Variants in KSR1 observed in about 807,000 individuals in gnomAD.
KSR1 encodes kinase suppressor of ras.
In KSR1, 35 loss-of-function variants were observed where a neutral mutation model predicts 92.9. That is an observed-to-expected ratio of 0.38 (90% confidence interval 0.29 to 0.50). KSR1 has a LOEUF of 0.50. KSR1 is among the 20% of genes least tolerant of loss of function. KSR1 has a pLI of 0.94. For synonymous variants in KSR1, 467 were observed against 472.6 expected, an observed-to-expected ratio of 0.99 and a Z score of 0.15; for missense variants, 972 against 1,158.5, an observed-to-expected ratio of 0.84 and a Z score of 2.34.
chr17:27,493,189 A>G (rs1300581967), intron 1 of KSR1, among the ~76,000 whole-genome samples: 1 of 152,216 alleles, frequency 6.6e-6, no homozygotes, highest in Non-Finnish European at 1.5e-5. Flanking sequence ...GACTATTATT[A>G]TCCACACTTT....
At chr17:27,549,664 A>G (rs1385296525) in intron 1 of KSR1, among the ~76,000 whole-genome samples, 1 of 152,220 alleles carries the variant, frequency 6.6e-6, no homozygotes, top group Non-Finnish European at 1.5e-5. Context: ...CAGGGTGTGG[A>G]TCCCTGAAAG....
rs564801818 is a variant in KSR1, at chr17:27,625,124, C to G, written c.*1732C>G. ...CATCATCCCTTTGGCCTCCCACACA[C>G]CTGCCCCTTCCCAGGGATCACGTGT... On this transcript the variant is annotated 3_prime_UTR_variant, in exon 21 of 21. Transcript: ENST00000644974. 4.6e-5 allele frequency: 7 copies of G among 152,498 alleles called. No individual in the cohort carries two copies. Among genetic ancestry groups the G allele is most frequent in the Admixed American group, 4.6e-4 (7 of 15,310 alleles). 9.4% of individuals were successfully genotyped at this position (152,498 alleles called of 1,614,324 possible).
intron 1 of KSR1, among the ~76,000 whole-genome samples, chr17:27,524,607 A>G (rs2070180309): frequency 1.3e-5 from 2 of 152,324 alleles, no homozygotes; most frequent in Middle Eastern, 3.4e-3. Flanking sequence ...GGGCTTGTAG[A>G]GCATGAAACT....
intron 12 of KSR1, 82 bp downstream of exon 12, chr17:27,603,970 C>T: frequency 7.3e-7 from 1 of 1,367,652 alleles, no homozygotes; most frequent in East Asian, 2.3e-5. Context: ...ACCTCCCACT[C>T]CACCTTTCCA....
chr17:27,559,018 A>G lies in KSR1; in HGVS notation c.372+8310A>G, dbSNP rs887297823. On this transcript the variant is annotated intron_variant, in intron 2 of 20. Transcript: ENST00000644974. The surrounding 1 kb of genome is among the most constrained non-coding windows in gnomAD (Gnocchi z 4.2). The stretch of plus-strand genomic sequence containing the variant: ...TGTGTAATCTCCTCCTTCCTTTTCC[A>G]TATTGTTTTCCTAAGGGCCATCCCT... Among the ~76,000 whole-genome samples the G allele has an allele frequency of 6.6e-6, 1 of 151,868 alleles. No homozygotes were observed.
At chr17:27,619,025 T>C (rs528306958) in intron 19 of KSR1, among the ~76,000 whole-genome samples, 1 of 152,066 alleles carries the variant, frequency 6.6e-6, no homozygotes, top group Non-Finnish European at 1.5e-5. Context: ...AAGGACACTT[T>C]CTAAAAGTGA....
chr17:27,605,053 C>T (rs1471147288), intron 13 of KSR1, among the ~76,000 whole-genome samples: 1 of 152,206 alleles, frequency 6.6e-6, no homozygotes. Flanking sequence ...CTGATTTACT[C>T]CTGCCCAGGG....
At chr17:27,496,803 A>G (rs551318220) in intron 1 of KSR1, among the ~76,000 whole-genome samples, 3 of 152,332 alleles carry the variant, frequency 2.0e-5, no homozygotes, top group African/African-American at 7.2e-5. Context: ...CCGAGTGAAG[A>G]TGGAAACTGT....
At chr17:27,595,475 C>T (rs545083525) in intron 9 of KSR1, among the ~76,000 whole-genome samples, 1 of 152,352 alleles carries the variant, frequency 6.6e-6, no homozygotes, top group African/African-American at 2.4e-5. Flanking sequence ...GAAATGGAAG[C>T]TCAGAGAGGT....
intron 14 of KSR1, among the ~76,000 whole-genome samples, 193 bp from the exon 15 acceptor site, chr17:27,607,721 T>C (rs1243744841): frequency 6.6e-6 from 1 of 152,070 alleles, no homozygotes; most frequent in Non-Finnish European, 1.5e-5. Flanking sequence ...GTGTGTGGTG[T>C]CATGTGTTTC....
chr17:27,564,736 A>ACCCCCCCCCCC (rs34194473), intron 2 of KSR1, among the ~76,000 whole-genome samples: 1 of 101,384 alleles, frequency 9.9e-6, no homozygotes, highest in Non-Finnish European at 1.9e-5. Context: ...AAGATGGAAG[A>ACCCCCCCCCCC]CCCCCCCCCC....
chr17:27,551,879 G>A (rs751445724), intron 2 of KSR1, among the ~76,000 whole-genome samples: 1 of 152,172 alleles, frequency 6.6e-6, no homozygotes, highest in East Asian at 1.9e-4. Flanking sequence ...AGCAGCCAGG[G>A]TGCTCACCTA....
At chr17:27,525,991 A>AC (rs755997835) in intron 1 of KSR1, among the ~76,000 whole-genome samples, 1 of 71,180 alleles carries the variant, frequency 1.4e-5, no homozygotes, top group Non-Finnish European at 2.5e-5. Context: ...ACTGCAACTA[A>AC]CTTTTCTTTT....
chr17:27,617,904 C>T (rs868048583), intron 19 of KSR1, among the ~76,000 whole-genome samples: 2 of 152,262 alleles, frequency 1.3e-5, no homozygotes, highest in Non-Finnish European at 2.9e-5. Flanking sequence ...CCAAGTGATA[C>T]GAGGATTTCG....
rs577293438 is a variant in KSR1, at chr17:27,548,350, T to C, written c.232-2218T>C. On this transcript the variant is annotated intron_variant, in intron 1 of 20. Coordinates refer to ENST00000644974, the MANE Select transcript of KSR1 (RefSeq NM_001394583.1). ...CTATGGCCCCAAACTGGTTATAAGCTTTTATTCTAATTGAAAATTTGGAGC... is the reference window on the plus strand; with the variant it reads ...CTATGGCCCCAAACTGGTTATAAGCCTTTATTCTAATTGAAAATTTGGAGC... 2.1e-4 allele frequency among the ~76,000 whole-genome samples: 32 copies of C among 152,354 alleles called. No homozygotes were observed. The South Asian group carries it at 2.3e-3, about 11-fold the overall frequency.
chr17:27,609,054 C>T (rs1033226501), intron 15 of KSR1, 142 bp from the exon 16 acceptor site: 30 of 1,029,094 alleles, frequency 2.9e-5, no homozygotes, highest in Non-Finnish European at 3.9e-5. Flanking sequence ...CTCTGAACCT[C>T]GATTTCTTCT....
intron 1 of KSR1, among the ~76,000 whole-genome samples, chr17:27,503,317 A>G (rs531284589): frequency 4.0e-4 from 61 of 152,324 alleles, no homozygotes; most frequent in Non-Finnish European, 5.9e-5. Flanking sequence ...GGTAGAGGCC[A>G]GGGATGCTGT....
At chr17:27,514,266 G>T (rs1349591866) in intron 1 of KSR1, among the ~76,000 whole-genome samples, 1 of 152,220 alleles carries the variant, frequency 6.6e-6, no homozygotes, top group African/African-American at 2.4e-5. Context: ...CAGGCTACTT[G>T]GAGGAAAACA....
rs1213448242 is a variant in KSR1, at chr17:27,526,484, G to A, written c.232-24084G>A. On this transcript the variant is annotated intron_variant, in intron 1 of 20. Transcript: ENST00000644974. ...TCCCAATACATCTTCTCTTTATTGA[G>A]AACTTCATTTTTATCCTGTGTTCCT... 3.1e-6 allele frequency: 5 copies of A among 1,599,126 alleles called. No homozygotes were observed. In the African/African-American group the frequency reaches 5.4e-5, roughly 17 times the overall value.
Sources: gnomAD v4.1 joint callset for allele counts (sites outside exome capture counted in the v4.1 genomes callset) on GRCh38, gnomAD v4.1.1 for gene constraint, Gnocchi (gnomAD v3.1) non-coding constraint, MANE v1.5 for transcripts, NCBI Gene and HGNC (gene_info 2026-07-23, HGNC 2026-07-21) for gene names.